Variants in FZD7 observed in about 807,000 individuals in gnomAD.
The protein encoded by FZD7 is frizzled class receptor 7.
Under a neutral mutation model 39.0 loss-of-function variants are expected in FZD7, and 21 were observed. The observed-to-expected ratio is 0.54, with a 90% CI of 0.38 to 0.78. FZD7 has a LOEUF of 0.78. FZD7 is among the 30% of genes least tolerant of loss of function. FZD7 has a pLI of 0.00. For synonymous variants in FZD7, 428 were observed against 364.9 expected, an observed-to-expected ratio of 1.17 and a Z score of -1.97; for missense variants, 695 against 805.0, an observed-to-expected ratio of 0.86 and a Z score of 1.65.
chr2:202,035,131 G>A lies in FZD7; in HGVS notation c.484G>A (p.Gly162Ser). The change falls in exon 1 of 1, where the codon GGC becomes AGC. Residue 162 changes from glycine to serine, a missense_variant. Physicochemically the swap from Gly to Ser is moderately conservative, Grantham distance 56. Transcript: ENST00000286201. ...GCACGGTGCGGGCGAGATCTGCGTG[G>A]GCCAGAACACGTCGGACGGCTCCGG... ...PVHGAGEICV[G>S]QNTSDGSGGP... 6.2e-7 allele frequency: 1 copy of A among 1,605,694 alleles called. No homozygotes were observed. The highest frequency in any genetic ancestry group is 8.5e-7 in the Non-Finnish European group (1 of 1,179,632).
At position 202,036,384 on chromosome 2, in the gene FZD7, T is replaced by C. The variant is rs779576113; in HGVS notation, c.*12T>C. 1 of 1,580,046 alleles carries C rather than the reference T, an allele frequency of 6.3e-7. No homozygotes were observed. Among genetic ancestry groups the C allele is most frequent in the Middle Eastern group, 1.7e-4 (1 of 5,926 alleles). On this transcript the variant is annotated 3_prime_UTR_variant, in exon 1 of 1. Coordinates refer to ENST00000286201, the MANE Select transcript of FZD7 (RefSeq NM_003507.2). Reference sequence around the variant, plus strand: ...AGACTGCGGTATGAGCCCCGGCCCCTCCCCACCTTTCCCACCCCAGCCCTC... The same window carrying C: ...AGACTGCGGTATGAGCCCCGGCCCCCCCCCACCTTTCCCACCCCAGCCCTC...
chr2:202,034,259 C>G lies in FZD7; in HGVS notation c.-389C>G, dbSNP rs1688696560. 1.3e-5 allele frequency among the ~76,000 whole-genome samples: 2 copies of G among 151,780 alleles called. No individual in the cohort carries two copies. Among genetic ancestry groups the G allele is most frequent in the African/African-American group, 4.8e-5 (2 of 41,384 alleles). The stretch of plus-strand genomic sequence containing the variant: ...CGGGGACCGGACCAGGCGCGGGGGG[C>G]GTGCGCGCTGCGGTGCGCCGGGGGT... On this transcript the variant is annotated 5_prime_UTR_variant, in exon 1 of 1. Transcript: ENST00000286201.
chr2:202,034,980 C>G lies in FZD7; in HGVS notation c.333C>G (p.Thr111=). The G allele has an allele frequency of 1.2e-6, 2 of 1,613,956 alleles. No individual in the cohort carries two copies. The highest frequency in any genetic ancestry group is 1.7e-6 in the Non-Finnish European group (2 of 1,180,018). The change falls in exon 1 of 1, where the codon ACC becomes ACG. Residue 111 remains threonine, a synonymous_variant. Transcript: ENST00000286201. ...GCTCCATGTATGCGCCCGTGTGCAC[C>G]GTGCTCGATCAGGCCATCCCGCCGT... ...FLCSMYAPVC[T]VLDQAIPPCR...
At position 202,034,715 on chromosome 2, in the gene FZD7, TG is replaced by T. The variant is rs1245519531; in HGVS notation, c.71del (p.Gly24AlafsTer67). On this transcript the variant is annotated frameshift_variant, in exon 1 of 1. Coordinates refer to ENST00000286201, the MANE Select transcript of FZD7 (RefSeq NM_003507.2). LOFTEE classifies it high-confidence loss of function. ...LGLCALVLAL[L>X]GALSAGAGAQ... ...CTCTGTGCCCTGGTGCTGGCGCTGC[TG>T]GGCGCACTGTCCGCGGGCGCCGGGG... 1.2e-6 allele frequency: 2 copies of T among 1,610,520 alleles called. No individual in the cohort carries two copies.
Position 202,036,629 on chromosome 2 carries a change from C to T in FZD7, c.*257C>T. 3 of 519,114 alleles carry T rather than the reference C, an allele frequency of 5.8e-6. No homozygotes were observed. Among genetic ancestry groups the T allele is most frequent in the East Asian group, 3.4e-5 (1 of 29,446 alleles). 32.2% of individuals were successfully genotyped at this position (519,114 alleles called of 1,614,324 possible). A position where few individuals can be genotyped will look rare whatever the true frequency, so the allele number is the denominator to read the frequency against. On this transcript the variant is annotated 3_prime_UTR_variant, in exon 1 of 1. Coordinates refer to ENST00000286201, the MANE Select transcript of FZD7 (RefSeq NM_003507.2). ...AGATGATGATAACGGCGATGTGAAT[C>T]GTCAAAGGTACGGGCCAGCTTGTGC...
In FZD7 at chr2:202,035,408, G is replaced by T. The variant is rs868385707; in HGVS notation, c.761G>T (p.Arg254Leu). The part of the protein sequence containing the change: ...YFKEEERRFA[R>L]LWVGVWSVLC... ...AAGGAGGAGGAGAGGCGCTTCGCCC[G>T]CCTCTGGGTGGGCGTGTGGTCCGTG... Residue 254 changes from arginine to leucine, a missense_variant, in exon 1 of 1, where the codon CGC becomes CTC. By Grantham distance (102) the Arg-to-Leu change is moderately radical. Coordinates refer to ENST00000286201, the MANE Select transcript of FZD7 (RefSeq NM_003507.2). 1.2e-6 allele frequency: 2 copies of T among 1,613,576 alleles called. No individual in the cohort carries two copies. Among genetic ancestry groups the T allele is most frequent in the South Asian group, 1.1e-5 (1 of 91,088 alleles).
In FZD7 at chr2:202,034,480, G is replaced by A. The variant is rs1688702808; in HGVS notation, c.-168G>A. ...GGCGTCTGCGGCGCCTTCGCGGCGC[G>A]GGCACCCAGGCGGCAGCGCCCTTTG... On this transcript the variant is annotated 5_prime_UTR_variant, in exon 1 of 1. Coordinates refer to ENST00000286201, the MANE Select transcript of FZD7 (RefSeq NM_003507.2). 2.4e-6 allele frequency: 1 copy of A among 416,516 alleles called. No homozygotes were observed. Among genetic ancestry groups the A allele is most frequent in the Non-Finnish European group, 4.0e-6 (1 of 251,456 alleles). The allele number at this position is 416,516 out of a possible 1,614,324, so 25.8% of individuals were successfully genotyped here.
chr2:202,035,647 G>A lies in FZD7; in HGVS notation c.1000G>A (p.Glu334Lys). The change falls in exon 1 of 1, where the codon GAG becomes AAG. Residue 334 changes from glutamate to lysine, a missense_variant. Transcript: ENST00000286201. ...YRTVAQGTKK[E>K]GCTILFMVLY... Reference sequence around the variant, plus strand: ...CACGGTGGCGCAGGGCACCAAGAAGGAGGGCTGCACCATCCTCTTCATGGT... The same window carrying A: ...CACGGTGGCGCAGGGCACCAAGAAGAAGGGCTGCACCATCCTCTTCATGGT... 1 of 1,614,208 alleles carries A rather than the reference G, an allele frequency of 6.2e-7. No homozygotes were observed. The highest frequency in any genetic ancestry group is 8.5e-7 in the Non-Finnish European group (1 of 1,180,042).
In FZD7 at chr2:202,036,160, C is replaced by T. The variant is rs1488881908; in HGVS notation, c.1513C>T (p.Leu505=). 3.7e-6 allele frequency: 6 copies of T among 1,613,478 alleles called. No individual in the cohort carries two copies. The highest frequency in any genetic ancestry group is 1.3e-5 in the African/African-American group (1 of 74,956). Residue 505 remains leucine, a synonymous_variant, in exon 1 of 1, where the codon CTG becomes TTG. Transcript: ENST00000286201. The stretch of plus-strand genomic sequence containing the variant: ...CGAGCACTGGGAGCGCACCTGGCTC[C>T]TGCAGACGTGCAAGAGCTATGCCGT... ...FREHWERTWL[L]QTCKSYAVPC... is the part of the protein sequence containing the mutation.
In FZD7 at chr2:202,035,706, G is replaced by T. The variant is rs1395116969; in HGVS notation, c.1059G>T (p.Trp353Cys). The T allele has an allele frequency of 1.2e-6, 2 of 1,614,028 alleles. No homozygotes were observed. Among genetic ancestry groups the T allele is most frequent in the Non-Finnish European group, 1.7e-6 (2 of 1,180,050 alleles). Residue 353 changes from tryptophan to cysteine, a missense_variant, in exon 1 of 1, where the codon TGG (tryptophan) becomes TGT (cysteine). Trp to Cys is a radical substitution (Grantham distance 215). Transcript: ENST00000286201. ...TCTTCGGCATGGCCAGCTCCATCTGGTGGGTCATTCTGTCTCTCACTTGGT... is the reference window on the plus strand; with the variant it reads ...TCTTCGGCATGGCCAGCTCCATCTGTTGGGTCATTCTGTCTCTCACTTGGT... ...LYFFGMASSI[W>C]WVILSLTWFL...
Position 202,037,190 on chromosome 2 carries a change from A to T in FZD7, c.*818A>T, listed in dbSNP as rs1286358651. 2 of 167,120 alleles carry T rather than the reference A, an allele frequency of 1.2e-5. No homozygotes were observed. The highest frequency in any genetic ancestry group is 4.8e-5 in the African/African-American group (2 of 41,466). 10.4% of individuals were successfully genotyped at this position (167,120 alleles called of 1,614,324 possible). The stretch of plus-strand genomic sequence containing the variant: ...TGGTCTAATACCCTGAAAAGAAGTG[A>T]TGACTTGTTGCTTTTCAAAACAGGA... On this transcript the variant is annotated 3_prime_UTR_variant, in exon 1 of 1. Transcript: ENST00000286201.
Position 202,035,913 on chromosome 2 carries a change from G to A in FZD7, c.1266G>A (p.Arg422=). The A allele has an allele frequency of 6.2e-7, 1 of 1,614,076 alleles. No homozygotes were observed. Among genetic ancestry groups the A allele is most frequent in the Non-Finnish European group, 8.5e-7 (1 of 1,179,976 alleles). ...YVGLSSVDAL[R]GFVLAPLFVY... Reference sequence around the variant, plus strand: ...GCCTCTCCAGTGTGGACGCGCTGCGGGGCTTCGTGCTGGCGCCTCTGTTCG... The same window carrying A: ...GCCTCTCCAGTGTGGACGCGCTGCGAGGCTTCGTGCTGGCGCCTCTGTTCG... The change falls in exon 1 of 1, where the codon CGG becomes CGA. Residue 422 remains arginine (R), a synonymous_variant. Transcript: ENST00000286201.
rs562818320 is a variant in FZD7, at chr2:202,036,150, C to T, written c.1503C>T (p.Arg501=). 13 of 1,613,646 alleles carry T rather than the reference C, an allele frequency of 8.1e-6. No individual in the cohort carries two copies. The South Asian group carries it at 1.3e-4, about 16-fold the overall frequency. Residue 501 remains arginine (R), a synonymous_variant, in exon 1 of 1, where the codon CGC becomes CGT. Coordinates refer to ENST00000286201, the MANE Select transcript of FZD7 (RefSeq NM_003507.2). The part of the protein sequence containing the change: ...YEQAFREHWE[R]TWLLQTCKSY... Reference sequence around the variant, plus strand: ...AGGCCTTCCGCGAGCACTGGGAGCGCACCTGGCTCCTGCAGACGTGCAAGA... The same window carrying T: ...AGGCCTTCCGCGAGCACTGGGAGCGTACCTGGCTCCTGCAGACGTGCAAGA...
rs1416420404 is a variant in FZD7, at chr2:202,036,634, A to G, written c.*262A>G. On this transcript the variant is annotated 3_prime_UTR_variant, in exon 1 of 1. Transcript: ENST00000286201. The stretch of plus-strand genomic sequence containing the variant: ...ATGATAACGGCGATGTGAATCGTCA[A>G]AGGTACGGGCCAGCTTGTGCCTAAT... 5.9e-6 allele frequency: 3 copies of G among 509,440 alleles called. No homozygotes were observed. The highest frequency in any genetic ancestry group is 2.6e-5 in the South Asian group (1 of 39,202). 31.6% of individuals were successfully genotyped at this position (509,440 alleles called of 1,614,324 possible). A position where few individuals can be genotyped will look rare whatever the true frequency, so the allele number is the denominator to read the frequency against.
At position 202,034,602 on chromosome 2, in the gene FZD7, C is replaced by T. The variant is rs377092100; in HGVS notation, c.-46C>T. The T allele has an allele frequency of 1.4e-4, 206 of 1,473,564 alleles. No individual in the cohort carries two copies. Among genetic ancestry groups the T allele is most frequent in the Admixed American group, 3.8e-4 (16 of 42,656 alleles). 91.3% of individuals were successfully genotyped at this position (1,473,564 alleles called of 1,614,324 possible). ...GCATCCAAGCCTCTCCCAACCGCCT[C>T]GTCGCACTCCTCAGGCTGAGAGCAC... On this transcript the variant is annotated 5_prime_UTR_variant, in exon 1 of 1. Coordinates refer to ENST00000286201, the MANE Select transcript of FZD7 (RefSeq NM_003507.2).
chr2:202,036,469 C>T lies in FZD7; in HGVS notation c.*97C>T. ...GCTGGGTGGGGGCCTGTTTCTGTAA[C>T]TTTCTCCCCCTCTACTGAGAAGTGA... is the stretch of plus-strand genomic sequence containing the variant. On this transcript the variant is annotated 3_prime_UTR_variant, in exon 1 of 1. Transcript: ENST00000286201. 1 of 918,806 alleles carries T rather than the reference C, an allele frequency of 1.1e-6. No individual in the cohort carries two copies. The highest frequency in any genetic ancestry group is 1.7e-5 in the South Asian group (1 of 58,356). The allele number at this position is 918,806 out of a possible 1,614,324, so 56.9% of individuals were successfully genotyped here.
chr2:202,034,762 A>G lies in FZD7; in HGVS notation c.115A>G (p.Lys39Glu). 9 of 1,612,558 alleles carry G rather than the reference A, an allele frequency of 5.6e-6. No homozygotes were observed. The highest frequency in any genetic ancestry group is 7.6e-6 in the Non-Finnish European group (9 of 1,179,922). The change falls in exon 1 of 1, where the codon AAG becomes GAG. Residue 39 changes from lysine (K) to glutamate (E), a missense_variant. Coordinates refer to ENST00000286201, the MANE Select transcript of FZD7 (RefSeq NM_003507.2). The stretch of plus-strand genomic sequence containing the variant: ...CGGGGCGCAGCCGTACCACGGAGAG[A>G]AGGGCATCTCCGTGCCGGACCACGG... ...GAGAQPYHGEKGISVPDHGFC... is the reference protein window; with the variant it reads ...GAGAQPYHGEEGISVPDHGFC...
Position 202,037,729 on chromosome 2 carries a change from C to T in FZD7, c.*1357C>T, listed in dbSNP as rs1484435944. On this transcript the variant is annotated 3_prime_UTR_variant, in exon 1 of 1. Coordinates refer to ENST00000286201, the MANE Select transcript of FZD7 (RefSeq NM_003507.2). ...TTCCATCAATCTGTTTATTAAACAT[C>T]ATCCATATGCTGACCCTGTCTCTGT... The T allele has an allele frequency of 6.0e-6, 1 of 166,504 alleles. No individual in the cohort carries two copies. The highest frequency in any genetic ancestry group is 2.4e-5 in the African/African-American group (1 of 41,260). 10.3% of individuals were successfully genotyped at this position (166,504 alleles called of 1,614,324 possible). A position where few individuals can be genotyped will look rare whatever the true frequency, so the allele number is the denominator to read the frequency against.
In FZD7 at chr2:202,035,877, G is replaced by T. The variant is rs771065596; in HGVS notation, c.1230G>T (p.Val410=). The T allele has an allele frequency of 5.5e-5, 89 of 1,614,002 alleles. No homozygotes were observed. The highest frequency in any genetic ancestry group is 7.4e-5 in the Non-Finnish European group (87 of 1,180,012). ...GQVDGDLLSG[V]CYVGLSSVDA... ...TAGACGGGGACCTGCTGAGCGGGGTGTGCTACGTTGGCCTCTCCAGTGTGG... is the reference window on the plus strand; with the variant it reads ...TAGACGGGGACCTGCTGAGCGGGGTTTGCTACGTTGGCCTCTCCAGTGTGG... Residue 410 remains valine (V), a synonymous_variant, in exon 1 of 1, where the codon GTG becomes GTT. Coordinates refer to ENST00000286201, the MANE Select transcript of FZD7 (RefSeq NM_003507.2).
Sources: gnomAD v4.1 joint callset for allele counts (sites outside exome capture counted in the v4.1 genomes callset) on GRCh38, gnomAD v4.1.1 for gene constraint, MANE v1.5 for transcripts, NCBI Gene and HGNC (gene_info 2026-07-23, HGNC 2026-07-21) for gene names.